GNG7: variants seen among roughly 807,000 people sequenced by gnomAD.
GNG7 encodes the protein G protein subunit gamma 7, also known as guanine nucleotide-binding protein G(I)/G(S)/G(O) subunit gamma-7.
A neutral mutation model predicts 4.0 loss-of-function variants in GNG7; 1 was observed. That is an observed-to-expected ratio of 0.25 (90% CI 0.09 to 1.18). The LOEUF (loss-of-function observed/expected upper bound fraction) is 1.18, where lower values mean the gene tolerates loss of function less well. Among genes scored for constraint, GNG7 ranks in the 50% most tolerant of loss-of-function variants. The pLI is 0.50. For synonymous variants in GNG7, 34 were observed against 36.9 expected (o/e 0.92, Z 0.29); for missense variants, 86 against 91.9 (o/e 0.94, Z 0.26).
intron 2 of GNG7, among the ~76,000 whole-genome samples, chr19:2,638,398 TGGG>T (rs1982374367): frequency 2.2e-5 from 2 of 89,258 alleles, no homozygotes; most frequent in Non-Finnish European, 4.6e-5. Flanking sequence ...GAGAAGGGGA[TGGG>T]AAGGGAAAGG....
At chr19:2,577,381 C>G (rs1980373967) in intron 2 of GNG7, among the ~76,000 whole-genome samples, 2 of 152,172 alleles carry the variant, frequency 1.3e-5, no homozygotes, top group African/African-American at 4.8e-5. Flanking sequence ...GGACCGGGGT[C>G]CCTGTTTCCT....
chr19:2,513,157 C>T lies in GNG7; in HGVS notation c.*1865G>A. 1.0e-6 allele frequency: 1 copy of T among 983,422 alleles called. No individual in the cohort carries two copies. The highest frequency in any genetic ancestry group is 1.2e-6 in the Non-Finnish European group (1 of 828,088). The allele number at this position is 983,422 out of a possible 1,614,324, so 60.9% of individuals were successfully genotyped here. ...TGCACACACACCCGGAGCCCTCTAGCCTTGGCGAGGTGGGAACCCTGGCAG... is the reference window on the plus strand; with the variant it reads ...TGCACACACACCCGGAGCCCTCTAGTCTTGGCGAGGTGGGAACCCTGGCAG... On this transcript the variant is annotated 3_prime_UTR_variant, in exon 5 of 5. Coordinates refer to ENST00000382159, the MANE Select transcript of GNG7 (RefSeq NM_052847.3).
intron 1 of GNG7, among the ~76,000 whole-genome samples, chr19:2,650,977 A>G (rs1370510444): frequency 1.3e-5 from 2 of 152,188 alleles, no homozygotes. Flanking sequence ...CTTTAAACCC[A>G]GCTCAGGGCC....
intron 3 of GNG7, among the ~76,000 whole-genome samples, chr19:2,553,649 TTACATACA>T (rs1219299442): frequency 2.3e-5 from 2 of 85,442 alleles, no homozygotes; most frequent in Admixed American, 1.1e-4. Flanking sequence ...ATATGTTATA[TTACATACA>T]TGCACACGTT....
chr19:2,574,758 C>T (rs766549496), intron 2 of GNG7, among the ~76,000 whole-genome samples: 28 of 152,174 alleles, frequency 1.8e-4, no homozygotes, highest in Non-Finnish European at 3.2e-4. Flanking sequence ...GATTGCTGGG[C>T]CCTATGGTAA....
rs1423684682 is a variant in GNG7 at position 2,614,142 on chromosome 19, G to A, written c.-78+32082C>T. ...CCTCACCACCCGGTGAACGGCACTG[G>A]GAGCAGACTCAAGAGGCTCGAGAGG... On this transcript the variant is annotated intron_variant, in intron 2 of 4. Coordinates refer to ENST00000382159, the MANE Select transcript of GNG7 (RefSeq NM_052847.3). This position sits in a 1 kb window ranked among gnomAD's most constrained non-coding sequence, Gnocchi z 6.0. 2.6e-5 allele frequency among the ~76,000 whole-genome samples: 4 copies of A among 152,178 alleles called. No homozygotes were observed. The highest frequency in any genetic ancestry group is 9.7e-5 in the African/African-American group (4 of 41,440).
In GNG7 at chr19:2,575,584, CACACGCAG is replaced by C. The variant is rs1379919465; in HGVS notation, c.-77-20404_-77-20397del. On this transcript the variant is annotated intron_variant, in intron 2 of 4. Coordinates refer to ENST00000382159, the MANE Select transcript of GNG7 (RefSeq NM_052847.3). ...ACGCAGGCACACGCAGACACGCAGG[CACACGCAG>C]ACACGCAGGCACACGCAGGCACACA... 1.5e-3 allele frequency among the ~76,000 whole-genome samples: 198 copies of C among 129,262 alleles called. 3 individuals are homozygous for C. Among genetic ancestry groups the C allele is most frequent in the African/African-American group, 5.5e-3 (189 of 34,382 alleles). 84.8% of individuals were successfully genotyped at this position (129,262 alleles called of 152,430 possible).
At chr19:2,602,859 C>T (rs770151149) in intron 2 of GNG7, among the ~76,000 whole-genome samples, 1 of 151,888 alleles carries the variant, frequency 6.6e-6, no homozygotes, top group East Asian at 1.9e-4. Context: ...GAAAGATGCG[C>T]TACCCACCCT....
chr19:2,650,105 C>T (rs184919030), intron 1 of GNG7, among the ~76,000 whole-genome samples: 5 of 151,908 alleles, frequency 3.3e-5, no homozygotes, highest in East Asian at 1.9e-4. Flanking sequence ...ATCCATTCAC[C>T]GGCGGATGGA....
At chr19:2,594,587 G>A (rs547016356) in intron 2 of GNG7, among the ~76,000 whole-genome samples, 2 of 152,204 alleles carry the variant, frequency 1.3e-5, no homozygotes, top group South Asian at 4.1e-4. Context: ...CCCTTCTTCT[G>A]TTCTCACTTC....
At chr19:2,520,286 C>T (rs539079001) in intron 4 of GNG7, among the ~76,000 whole-genome samples, 2 of 152,364 alleles carry the variant, frequency 1.3e-5, no homozygotes, top group South Asian at 4.1e-4. Flanking sequence ...TAATTTGCAT[C>T]TGTCATTGCC....
chr19:2,539,169 A>T (rs11879927), intron 3 of GNG7, among the ~76,000 whole-genome samples: 43,982 of 152,084 alleles, frequency 0.29, 6,591 homozygotes, highest in East Asian at 0.44. Flanking sequence ...TGTTCCTGTA[A>T]ACAAATGAAC....
chr19:2,554,300 C>T (rs1470290724), intron 3 of GNG7, among the ~76,000 whole-genome samples: 1 of 149,396 alleles, frequency 6.7e-6, no homozygotes, highest in Non-Finnish European at 1.5e-5. Context: ...GATCCTTCTG[C>T]CTCAGCCTCC....
intron 2 of GNG7, among the ~76,000 whole-genome samples, chr19:2,584,679 GGAGGGAGGGAGGGATA>G (rs1980597599): frequency 1.1e-5 from 1 of 94,310 alleles, no homozygotes; most frequent in Non-Finnish European, 2.2e-5. Context: ...AAGGAAGGAA[GGAGGGAGGGAGGGATA>G]GAGGGAGGGA....
chr19:2,697,721 G>T (rs1197870177), intron 1 of GNG7, among the ~76,000 whole-genome samples: 1 of 152,142 alleles, frequency 6.6e-6, no homozygotes, highest in Non-Finnish European at 1.5e-5. Context: ...TTGGGAGGCT[G>T]AGGTGGGTGG....
At chr19:2,608,654 C>G (rs1981468520) in intron 2 of GNG7, among the ~76,000 whole-genome samples, 2 of 152,220 alleles carry the variant, frequency 1.3e-5, no homozygotes, top group African/African-American at 4.8e-5. Context: ...GGGCAACCCC[C>G]TCTCTCTGCA....
intron 1 of GNG7, among the ~76,000 whole-genome samples, chr19:2,696,159 AAAAAG>A (rs1913241057): frequency 4.0e-5 from 6 of 150,598 alleles, no homozygotes; most frequent in Admixed American, 3.3e-4. Flanking sequence ...TCCGTCAAAA[AAAAAG>A]AAAAGAGAGA....
chr19:2,667,324 AAAAC>A (rs942290444), intron 1 of GNG7, among the ~76,000 whole-genome samples: 30 of 152,292 alleles, frequency 2.0e-4, no homozygotes, highest in African/African-American at 5.8e-4. Flanking sequence ...TCCCTCTCAA[AAAAC>A]AAACAAACAA....
intron 2 of GNG7, among the ~76,000 whole-genome samples, chr19:2,579,925 G>A (rs1980452911): frequency 6.6e-6 from 1 of 152,210 alleles, no homozygotes; most frequent in Non-Finnish European, 1.5e-5. Flanking sequence ...GCTCCCTCCA[G>A]AGGTTCCAGG....
Sources: allele counts gnomAD v4.1 joint callset (sites outside exome capture counted in the v4.1 genomes callset), GRCh38; gene constraint gnomAD v4.1.1; non-coding constraint Gnocchi (gnomAD v3.1); transcripts MANE v1.5; gene names NCBI Gene and HGNC (gene_info 2026-07-23, HGNC 2026-07-21).